Variants in GRB2 observed in about 807,000 individuals in gnomAD.
GRB2 encodes the protein growth factor receptor-bound protein 2.
In GRB2, 2 loss-of-function variants were observed where a neutral mutation model predicts 27.4. That is an observed-to-expected ratio of 0.07 (90% CI 0.03 to 0.23). GRB2 has a LOEUF of 0.23. GRB2 is among the 10% of genes least tolerant of loss of function. The pLI is 1.00. For synonymous variants in GRB2, 94 were observed against 99.6 expected (o/e 0.94, Z 0.33); for missense variants, 102 against 282.4 (o/e 0.36, Z 4.58).
chr17:75,378,348 A>G (rs1322645930), intron 2 of GRB2, among the ~76,000 whole-genome samples: 1 of 152,108 alleles, frequency 6.6e-6, no homozygotes, highest in African/African-American at 2.4e-5. Flanking sequence ...TCGCCACCGC[A>G]TTTCAGCCTG....
At position 75,353,053 on chromosome 17, in the gene GRB2, C is replaced by T. The variant is rs373219020; in HGVS notation, c.79-20256G>A. Among the ~76,000 whole-genome samples the T allele has an allele frequency of 2.6e-5, 4 of 151,776 alleles. No individual in the cohort carries two copies. The East Asian group carries it at 5.8e-4, about 22-fold the overall frequency. On this transcript the variant is annotated intron_variant, in intron 2 of 5. Coordinates refer to ENST00000316804, the MANE Select transcript of GRB2 (RefSeq NM_002086.5). ...ACAAAAAATTAGCTGGGCGTGCTGG[C>T]GGGCACCTGTAGTCCCAGCTACTCG...
At chr17:75,339,438 C>A (rs1259279712) in intron 2 of GRB2, among the ~76,000 whole-genome samples, 1 of 151,554 alleles carries the variant, frequency 6.6e-6, no homozygotes, top group Non-Finnish European at 1.5e-5. Flanking sequence ...CCTGATCCAC[C>A]CACCTCGGCC....
rs375793872 is a variant in GRB2 at position 75,386,104 on chromosome 17, T to C, written c.78+7447A>G. Among the ~76,000 whole-genome samples the C allele has an allele frequency of 5.9e-5, 9 of 152,302 alleles. No individual in the cohort carries two copies. The East Asian group carries it at 1.5e-3, about 26-fold the overall frequency. On this transcript the variant is annotated intron_variant, in intron 2 of 5. Transcript: ENST00000316804. ...TCTACATCTTTAAAAAACTTGTTTA[T>C]GAGTTTCTTAGAATAAATTCTTTTT...
chr17:75,356,587 C>G (rs1004468022), intron 2 of GRB2, among the ~76,000 whole-genome samples: 1 of 152,206 alleles, frequency 6.6e-6, no homozygotes, highest in Non-Finnish European at 1.5e-5. Flanking sequence ...TCTATCACCA[C>G]AGCAAGTTTC....
At chr17:75,365,572 A>C (rs1476199642) in intron 2 of GRB2, among the ~76,000 whole-genome samples, 1 of 152,194 alleles carries the variant, frequency 6.6e-6, no homozygotes, top group East Asian at 1.9e-4. Flanking sequence ...GTAGTAATGG[A>C]TTGCTTGGTT....
chr17:75,368,950 GT>G (rs1336939204), intron 2 of GRB2, among the ~76,000 whole-genome samples: 4 of 152,154 alleles, frequency 2.6e-5, no homozygotes, highest in Non-Finnish European at 5.9e-5. Flanking sequence ...ATTTCAGTTA[GT>G]TTAATCCTCA....
At chr17:75,336,749 T>A (rs184102067) in intron 2 of GRB2, among the ~76,000 whole-genome samples, 21 of 152,290 alleles carry the variant, frequency 1.4e-4, no homozygotes, top group Admixed American at 8.5e-4. Context: ...TTTTTTTTTT[T>A]GAGAGAGTCT....
chr17:75,321,341 TA>T (rs2078458331), intron 5 of GRB2, among the ~76,000 whole-genome samples: 1 of 151,970 alleles, frequency 6.6e-6, no homozygotes, highest in South Asian at 2.1e-4. Flanking sequence ...CACATCCAGC[TA>T]ATTTTTGTAT....
chr17:75,358,726 A>C (rs9911783), intron 2 of GRB2, among the ~76,000 whole-genome samples: 8 of 113,342 alleles, frequency 7.1e-5, no homozygotes, highest in South Asian at 3.1e-4. Flanking sequence ...AAAAAAAAAA[A>C]CAAAAAATTA....
chr17:75,347,995 T>C (rs1024617367), intron 2 of GRB2, among the ~76,000 whole-genome samples: 1 of 152,170 alleles, frequency 6.6e-6, no homozygotes, highest in African/African-American at 2.4e-5. Flanking sequence ...ACCAACTACT[T>C]GGAAGAAGAA....
chr17:75,326,868 A>G (rs2078501737), intron 3 of GRB2, among the ~76,000 whole-genome samples: 1 of 152,228 alleles, frequency 6.6e-6, no homozygotes, highest in Non-Finnish European at 1.5e-5. Context: ...AATGAAAACT[A>G]TAATTAGGAA....
chr17:75,348,582 A>G (rs1269475478), intron 2 of GRB2, among the ~76,000 whole-genome samples: 1 of 152,210 alleles, frequency 6.6e-6, no homozygotes, highest in East Asian at 1.9e-4. Flanking sequence ...TAAGGGAGCT[A>G]TGTGTGTAAA....
chr17:75,377,221 T>G (rs2078899696), intron 2 of GRB2, among the ~76,000 whole-genome samples: 1 of 151,978 alleles, frequency 6.6e-6, no homozygotes. Context: ...CTGAGGAGAC[T>G]GAGGTGAGAT....
intron 1 of GRB2, among the ~76,000 whole-genome samples, chr17:75,400,207 T>A (rs1471698435): frequency 6.6e-6 from 1 of 152,054 alleles, no homozygotes; most frequent in Non-Finnish European, 1.5e-5. Flanking sequence ...GGAGTCTTGC[T>A]CTGTCACCCA....
At chr17:75,338,602 T>A (rs1341795719) in intron 2 of GRB2, among the ~76,000 whole-genome samples, 1 of 152,190 alleles carries the variant, frequency 6.6e-6, no homozygotes, top group East Asian at 1.9e-4. Flanking sequence ...GACACTTTGG[T>A]TTAACGGAAG....
At chr17:75,324,524 TTTTTTTTTTTTG>T (rs1435421207) in intron 4 of GRB2, among the ~76,000 whole-genome samples, 2 of 92,018 alleles carry the variant, frequency 2.2e-5, no homozygotes, top group African/African-American at 3.3e-5. Context: ...TTTTTTTTTT[TTTTTTTTTTTTG>T]GAGACAGAGT....
chr17:75,363,214 G>C (rs2078796324), intron 2 of GRB2, among the ~76,000 whole-genome samples: 1 of 152,118 alleles, frequency 6.6e-6, no homozygotes, highest in African/African-American at 2.4e-5. Context: ...CTCAAAGATA[G>C]GGTAGCACCT....
At chr17:75,327,456 C>T (rs61492558) in intron 3 of GRB2, among the ~76,000 whole-genome samples, 5,888 of 150,460 alleles carry the variant, frequency 0.039, 366 homozygotes, top group African/African-American at 0.13. Context: ...CTGCAACCTT[C>T]GCCTCCTGGG....
At chr17:75,403,656 C>T (rs11649784) in intron 1 of GRB2, among the ~76,000 whole-genome samples, 98,405 of 151,900 alleles carry the variant, frequency 0.65, 38,148 homozygotes, top group East Asian at 0.96. Context: ...CCCAGCTACT[C>T]GGGAGTGCGA....
Sources: allele counts gnomAD v4.1 joint callset (sites outside exome capture counted in the v4.1 genomes callset), GRCh38; gene constraint gnomAD v4.1.1; transcripts MANE v1.5; gene names NCBI Gene and HGNC (gene_info 2026-07-23, HGNC 2026-07-21).